FSTL4: variants seen among roughly 807,000 people sequenced by gnomAD.
FSTL4 encodes follistatin-related protein 4.
FSTL4 carries 28 observed loss-of-function variants against 78.2 expected under a neutral mutation model. That is an observed-to-expected ratio of 0.36 (90% CI 0.27 to 0.49). The LOEUF (loss-of-function observed/expected upper bound fraction) is 0.49. Ranked by LOEUF, FSTL4 falls within the 20% of genes least tolerant of loss-of-function variation. The pLI is 0.98. For missense variants in FSTL4, 922 were observed against 1,084.9 expected, an observed-to-expected ratio of 0.85 and a Z score of 2.11; for synonymous variants, 422 against 440.5, an observed-to-expected ratio of 0.96 and a Z score of 0.53.
intron 6 of FSTL4, among the ~76,000 whole-genome samples, chr5:133,276,408 G>T (rs1010074498): frequency 5.9e-5 from 9 of 152,344 alleles, no homozygotes; most frequent in Non-Finnish European, 1.2e-4. Context: ...CCTGGCTGCT[G>T]CCCTACATTC....
chr5:133,252,873 T>A (rs1752294183), intron 6 of FSTL4, among the ~76,000 whole-genome samples: 1 of 152,190 alleles, frequency 6.6e-6, no homozygotes, highest in Admixed American at 6.5e-5. Context: ...CTGGCTGGGA[T>A]AACTGGCTGC....
At chr5:133,221,853 A>G (rs1461724670) in intron 11 of FSTL4, among the ~76,000 whole-genome samples, 2 of 142,722 alleles carry the variant, frequency 1.4e-5, no homozygotes, top group Admixed American at 1.4e-4. Context: ...AGATCTCTGT[A>G]AATTCTAGGG....
chr5:133,255,201 G>A (rs1332303680), intron 6 of FSTL4, among the ~76,000 whole-genome samples: 1 of 152,202 alleles, frequency 6.6e-6, no homozygotes, highest in East Asian at 1.9e-4. Flanking sequence ...TGTCTGGGGT[G>A]AGAATGTGTC....
chr5:133,595,165 A>G (rs1580811035), intron 2 of FSTL4, among the ~76,000 whole-genome samples: 1 of 152,346 alleles, frequency 6.6e-6, no homozygotes, highest in East Asian at 1.9e-4. Flanking sequence ...CAGGCCCTCA[A>G]AGCCATTCTA....
chr5:133,674,441 A>G, the FSTL4 span, among the ~76,000 whole-genome samples: 1 of 152,216 alleles, frequency 6.6e-6, no homozygotes, highest in African/African-American at 2.4e-5. Context: ...CCCTTCACAC[A>G]AAGTAACCAA....
At chr5:133,621,123 G>A in the FSTL4 span, among the ~76,000 whole-genome samples, 3,547 of 152,234 alleles carry the variant, frequency 0.023, 54 homozygotes, top group Non-Finnish European at 0.034. Flanking sequence ...GCATTTGGCC[G>A]GGCTTGGTGG....
At chr5:133,729,266 C>G in the FSTL4 span, among the ~76,000 whole-genome samples, 1 of 151,310 alleles carries the variant, frequency 6.6e-6, no homozygotes, top group African/African-American at 2.4e-5. Flanking sequence ...CACACTCATA[C>G]CCCTGTCCAG....
At chr5:133,503,684 C>T (rs746546303) in intron 3 of FSTL4, among the ~76,000 whole-genome samples, 2 of 152,202 alleles carry the variant, frequency 1.3e-5, no homozygotes, top group Non-Finnish European at 2.9e-5. Flanking sequence ...TGATGACTCC[C>T]AAATCTCCAT....
chr5:133,395,488 A>G (rs1327290953), intron 4 of FSTL4, among the ~76,000 whole-genome samples: 1 of 152,106 alleles, frequency 6.6e-6, no homozygotes. Flanking sequence ...AACTTGTAAC[A>G]CTCACCGCGC....
chr5:133,297,474 C>T (rs779266529), intron 6 of FSTL4, among the ~76,000 whole-genome samples: 19 of 152,158 alleles, frequency 1.2e-4, no homozygotes, highest in Non-Finnish European at 2.5e-4. Context: ...ACTGGGTAAC[C>T]GCAGGCAATG....
At chr5:133,488,807 AC>A (rs1758194099) in intron 3 of FSTL4, among the ~76,000 whole-genome samples, 1 of 151,916 alleles carries the variant, frequency 6.6e-6, no homozygotes, top group Non-Finnish European at 1.5e-5. Context: ...TCAGAGGGCC[AC>A]CCTCACCCCA....
At chr5:133,826,453 A>T in the FSTL4 span, among the ~76,000 whole-genome samples, 1 of 152,190 alleles carries the variant, frequency 6.6e-6, no homozygotes. Flanking sequence ...GACTCCCTCC[A>T]GGGACCCTAA....
At chr5:133,423,924 TGAGCTGGAGCC>T (rs1756752008) in intron 3 of FSTL4, among the ~76,000 whole-genome samples, 1 of 152,140 alleles carries the variant, frequency 6.6e-6, no homozygotes, top group Non-Finnish European at 1.5e-5. Flanking sequence ...ACAGCGCACG[TGAGCTGGAGCC>T]CAGCATGGAG....
At chr5:133,815,447 G>A in the FSTL4 span, among the ~76,000 whole-genome samples, 1 of 152,192 alleles carries the variant, frequency 6.6e-6, no homozygotes, top group East Asian at 1.9e-4. Context: ...TGGGTAAAAA[G>A]CCTGAGGCTT....
intron 2 of FSTL4, among the ~76,000 whole-genome samples, chr5:133,598,553 G>A (rs935326953): frequency 6.6e-6 from 1 of 152,064 alleles, no homozygotes; most frequent in African/African-American, 2.4e-5. Flanking sequence ...TGCCCTCCCA[G>A]TTGTACCTGA....
At chr5:133,416,499 T>C (rs1756583652) in intron 3 of FSTL4, among the ~76,000 whole-genome samples, 1 of 152,230 alleles carries the variant, frequency 6.6e-6, no homozygotes, top group Non-Finnish European at 1.5e-5. Flanking sequence ...TTACATAGTC[T>C]CAAAGTATCT....
chr5:133,666,201 G>A, the FSTL4 span, among the ~76,000 whole-genome samples: 2 of 152,156 alleles, frequency 1.3e-5, no homozygotes, highest in African/African-American at 4.8e-5. Context: ...TGGAACTCAT[G>A]TTATAATATC....
intron 6 of FSTL4, among the ~76,000 whole-genome samples, chr5:133,279,501 G>A (rs1752964511): frequency 6.6e-6 from 1 of 152,326 alleles, no homozygotes; most frequent in South Asian, 2.1e-4. Flanking sequence ...CAACAGGTGG[G>A]GCCCAGGAGC....
chr5:133,636,219 G>C, the FSTL4 span, among the ~76,000 whole-genome samples: 1 of 152,190 alleles, frequency 6.6e-6, no homozygotes, highest in Non-Finnish European at 1.5e-5. Context: ...ACAGAAGCCT[G>C]ATATTCACTG....
Sources: allele counts gnomAD v4.1 joint callset (sites outside exome capture counted in the v4.1 genomes callset), GRCh38; gene constraint gnomAD v4.1.1; transcripts MANE v1.5; gene names NCBI Gene and HGNC (gene_info 2026-07-23, HGNC 2026-07-21).